LRCH3: variants seen among roughly 807,000 people sequenced by gnomAD.
The protein encoded by LRCH3 is DISP complex protein LRCH3.
A neutral mutation model predicts 104.5 loss-of-function variants in LRCH3; 68 were observed. The ratio of observed to expected loss-of-function variants is 0.65; its 90% CI spans 0.54 to 0.80. The LOEUF (loss-of-function observed/expected upper bound fraction) is 0.80. Among genes scored for constraint, LRCH3 ranks in the 30% least tolerant of loss-of-function variants. LRCH3 has a pLI of 0.00. For missense variants in LRCH3, 951 were observed against 953.9 expected (o/e 1.00, Z 0.04); for synonymous variants, 344 against 361.3 (o/e 0.95, Z 0.54).
rs889065764 is a variant in LRCH3 at position 197,854,679 on chromosome 3, T to C, written c.1644+234T>C. Among the ~76,000 whole-genome samples the C allele has an allele frequency of 6.6e-6, 1 of 152,194 alleles. No homozygotes were observed. The highest frequency in any genetic ancestry group is 1.5e-5 in the Non-Finnish European group (1 of 68,040). On this transcript the variant is annotated intron_variant, in intron 14 of 20. Transcript: ENST00000425562. This position sits in a 1 kb window ranked among gnomAD's most constrained non-coding sequence, Gnocchi z 4.5. ...GAAAACATTTGCCTTGAGAACCATA[T>C]TGGCTTTGTGTGTGCTGGGAATGGA...
At chr3:197,800,013 C>G (rs1731687787) in intron 1 of LRCH3, among the ~76,000 whole-genome samples, 2 of 150,060 alleles carry the variant, frequency 1.3e-5, no homozygotes, top group Admixed American at 1.3e-4. Flanking sequence ...AACCCTGTCT[C>G]TACTAAAACT....
Position 197,858,825 on chromosome 3 carries a change from G to C in LRCH3, c.1645-9G>C. ...CTTCTGTTTCTTCTCTTTCTCATTT[G>C]AAATGTAGTCGCTGTCAGGGTTGAA... On this transcript the variant is annotated splice_polypyrimidine_tract_variant and intron_variant, in intron 14 of 20. Coordinates refer to ENST00000425562, the MANE Select transcript of LRCH3 (RefSeq NM_001365715.1). 6.2e-7 allele frequency: 1 copy of C among 1,612,082 alleles called. No individual in the cohort carries two copies.
At chr3:197,803,482 C>T (rs1329682535) in intron 1 of LRCH3, among the ~76,000 whole-genome samples, 3 of 152,118 alleles carry the variant, frequency 2.0e-5, no homozygotes, top group African/African-American at 7.2e-5. Context: ...TAGTTAAGAA[C>T]CACCTGAAAA....
At chr3:197,825,770 C>T (rs937235802) in intron 4 of LRCH3, among the ~76,000 whole-genome samples, 37 of 152,046 alleles carry the variant, frequency 2.4e-4, no homozygotes, top group African/African-American at 6.7e-4. Flanking sequence ...TGAGCCACCG[C>T]GCCCAGCTGA....
chr3:197,868,257 TA>T (rs1282096409), intron 17 of LRCH3, among the ~76,000 whole-genome samples: 1 of 152,132 alleles, frequency 6.6e-6, no homozygotes, highest in Non-Finnish European at 1.5e-5. Flanking sequence ...AATAAAGAAA[TA>T]ATACTAATTT....
At chr3:197,863,890 C>T (rs1238778521) in intron 15 of LRCH3, among the ~76,000 whole-genome samples, 1 of 152,190 alleles carries the variant, frequency 6.6e-6, no homozygotes, top group Non-Finnish European at 1.5e-5. Flanking sequence ...TGGAGAAATA[C>T]TATTAGAAAA....
chr3:197,840,398 A>G (rs764735418), intron 10 of LRCH3, among the ~76,000 whole-genome samples: 2 of 152,232 alleles, frequency 1.3e-5, no homozygotes, highest in Non-Finnish European at 2.9e-5. Context: ...CGGAGGTTGC[A>G]GTGAGCCGAG....
intron 7 of LRCH3, 69 bp downstream of exon 7, chr3:197,830,932 AG>A (rs1735846565): frequency 7.4e-7 from 1 of 1,343,378 alleles, no homozygotes; most frequent in African/African-American, 1.4e-5. Flanking sequence ...GAAAATGAAA[AG>A]CGTCTTAACT....
chr3:197,880,339 C>G (rs1176283223), intron 20 of LRCH3, among the ~76,000 whole-genome samples: 4 of 152,142 alleles, frequency 2.6e-5, no homozygotes, highest in Non-Finnish European at 5.9e-5. Context: ...GGAGAAGATT[C>G]TTTGTAGTTT....
chr3:197,804,897 T>TTTA (rs199677052), intron 1 of LRCH3, among the ~76,000 whole-genome samples: 1 of 152,044 alleles, frequency 6.6e-6, no homozygotes, highest in African/African-American at 2.4e-5. Flanking sequence ...TTTTTTTTTT[T>TTTA]CTTTTTTATT....
chr3:197,821,473 A>G (rs749986286), intron 4 of LRCH3, among the ~76,000 whole-genome samples: 1 of 152,232 alleles, frequency 6.6e-6, no homozygotes, highest in Non-Finnish European at 1.5e-5. Context: ...ATCACCCAGC[A>G]GTAAGAGTCA....
At chr3:197,845,112 G>T (rs560706123) in intron 10 of LRCH3, among the ~76,000 whole-genome samples, 11 of 152,226 alleles carry the variant, frequency 7.2e-5, no homozygotes, top group African/African-American at 2.6e-4. Flanking sequence ...GCTTTTTAGA[G>T]AAGTATTGTA....
At chr3:197,842,818 C>T (rs1021715568) in intron 10 of LRCH3, among the ~76,000 whole-genome samples, 2 of 152,100 alleles carry the variant, frequency 1.3e-5, no homozygotes, top group Non-Finnish European at 2.9e-5. Context: ...GGTGCAGTGG[C>T]TTATGTCTGT....
intron 4 of LRCH3, among the ~76,000 whole-genome samples, chr3:197,821,167 A>G (rs186112954): frequency 4.5e-4 from 68 of 152,274 alleles, no homozygotes; most frequent in Non-Finnish European, 1.2e-4. Context: ...ATGGACTTTG[A>G]CCTGAACTTA....
chr3:197,872,259 A>T (rs1319516182), intron 19 of LRCH3, among the ~76,000 whole-genome samples: 1 of 148,266 alleles, frequency 6.7e-6, no homozygotes, highest in Non-Finnish European at 1.5e-5. Context: ...CAGGAGGCTG[A>T]TGTGGGAGGA....
chr3:197,794,795 G>A (rs530669428), intron 1 of LRCH3, among the ~76,000 whole-genome samples: 29 of 152,182 alleles, frequency 1.9e-4, no homozygotes, highest in African/African-American at 5.8e-4. Flanking sequence ...ACCTGAGATC[G>A]GAAGTTCCAG....
At chr3:197,880,218 T>G (rs978725903) in intron 20 of LRCH3, among the ~76,000 whole-genome samples, 1 of 152,138 alleles carries the variant, frequency 6.6e-6, no homozygotes, top group African/African-American at 2.4e-5. Flanking sequence ...GTGCTGGGAT[T>G]ACAGGTGTGA....
chr3:197,832,406 T>C, intron 8 of LRCH3, 89 bp downstream of exon 8: 1 of 1,304,282 alleles, frequency 7.7e-7, no homozygotes, highest in Non-Finnish European at 1.1e-6. Context: ...TTTGTTGGTG[T>C]ATCTATAGCT....
chr3:197,802,532 G>A (rs1479510762), intron 1 of LRCH3, among the ~76,000 whole-genome samples: 3 of 152,282 alleles, frequency 2.0e-5, no homozygotes, highest in East Asian at 1.9e-4. Context: ...CGTAAAATGC[G>A]TTTGGAAGTA....
Sources: gnomAD v4.1 joint callset for allele counts (sites outside exome capture counted in the v4.1 genomes callset) on GRCh38, gnomAD v4.1.1 for gene constraint, Gnocchi (gnomAD v3.1) non-coding constraint, MANE v1.5 for transcripts, NCBI Gene and HGNC (gene_info 2026-07-23, HGNC 2026-07-21) for gene names.